CAMKMT: variants seen among roughly 807,000 people sequenced by gnomAD.
CAMKMT encodes the protein calmodulin-lysine N-methyltransferase.
A neutral mutation model predicts 48.0 loss-of-function variants in CAMKMT; 53 were observed. The ratio of observed to expected loss-of-function variants is 1.10; its 90% confidence interval spans 0.89 to 1.39. CAMKMT has a LOEUF of 1.39. CAMKMT is among the 40% of genes most tolerant of loss of function. The pLI is 0.00. For synonymous variants in CAMKMT, 165 were observed against 152.3 expected, an observed-to-expected ratio of 1.08 and a Z score of -0.61; for missense variants, 428 against 402.7, an observed-to-expected ratio of 1.06 and a Z score of -0.54.
chr2:44,403,826 A>G (rs1039972234), intron 3 of CAMKMT, among the ~76,000 whole-genome samples: 2 of 152,198 alleles, frequency 1.3e-5, no homozygotes, highest in Non-Finnish European at 2.9e-5. Context: ...TCAAATCTAC[A>G]CTAGAACAGC....
intron 2 of CAMKMT, among the ~76,000 whole-genome samples, chr2:44,378,037 C>T (rs553940068): frequency 1.3e-5 from 2 of 152,226 alleles, no homozygotes; most frequent in East Asian, 1.9e-4. Context: ...AAGACAAATA[C>T]GAATACTGCA....
At chr2:44,709,131 A>G (rs1039967246) in intron 6 of CAMKMT, among the ~76,000 whole-genome samples, 5 of 152,158 alleles carry the variant, frequency 3.3e-5, no homozygotes, top group South Asian at 2.1e-4. Flanking sequence ...CAGAGAGGAA[A>G]TCTCAGATTC....
In CAMKMT at chr2:44,706,436, A is replaced by G. The variant is rs1384723946; in HGVS notation, c.492+95A>G. ...ACTGCTGGGTCAGAGAACCGTCAAC[A>G]GCATCAGCTGCGGTCAAGCTGCCGG... is the stretch of plus-strand genomic sequence containing the variant. On this transcript the variant is annotated intron_variant, in intron 5 of 10. Transcript: ENST00000378494. The G allele has an allele frequency of 8.2e-6, 10 of 1,215,550 alleles. No homozygotes were observed. The Admixed American group carries it at 8.5e-5, about 10-fold the overall frequency. The allele number at this position is 1,215,550 out of a possible 1,614,324, so 75.3% of individuals were successfully genotyped here. A position where few individuals can be genotyped will look rare whatever the true frequency, so the allele number is the denominator to read the frequency against.
chr2:44,497,943 A>G (rs2104732547), intron 3 of CAMKMT, among the ~76,000 whole-genome samples: 1 of 152,176 alleles, frequency 6.6e-6, no homozygotes, highest in East Asian at 1.9e-4. Flanking sequence ...TAGGTTTGTA[A>G]ATTGGAATGT....
intron 7 of CAMKMT, among the ~76,000 whole-genome samples, chr2:44,717,916 T>C (rs1361634545): frequency 6.6e-6 from 1 of 151,836 alleles, no homozygotes; most frequent in Admixed American, 6.6e-5. Context: ...ACTCCGATGA[T>C]GTTCTCAGTA....
chr2:44,432,990 A>G (rs189776747), intron 3 of CAMKMT, among the ~76,000 whole-genome samples: 1 of 152,302 alleles, frequency 6.6e-6, no homozygotes, highest in African/African-American at 2.4e-5. Context: ...CTATAATAAA[A>G]CATGACATAG....
intron 8 of CAMKMT, among the ~76,000 whole-genome samples, chr2:44,751,596 C>T (rs550901337): frequency 1.3e-5 from 2 of 152,192 alleles, no homozygotes; most frequent in Non-Finnish European, 2.9e-5. Context: ...ACGTGTGTGT[C>T]TCTGCCATTT....
At chr2:44,473,013 T>C (rs1376499494) in intron 3 of CAMKMT, among the ~76,000 whole-genome samples, 1 of 152,184 alleles carries the variant, frequency 6.6e-6, no homozygotes, top group Non-Finnish European at 1.5e-5. Flanking sequence ...AGCAGCTGTC[T>C]TCCATTACAA....
intron 3 of CAMKMT, among the ~76,000 whole-genome samples, chr2:44,622,672 T>C (rs1672263647): frequency 6.6e-6 from 1 of 152,246 alleles, no homozygotes; most frequent in Admixed American, 6.5e-5. Context: ...AGGATATGAT[T>C]TATTTTTTAT....
chr2:44,465,450 TA>T (rs981218491), intron 3 of CAMKMT, among the ~76,000 whole-genome samples: 3 of 151,710 alleles, frequency 2.0e-5, no homozygotes, highest in Non-Finnish European at 4.4e-5. Context: ...ATACAAAAAT[TA>T]GCTGGGTGGT....
intron 3 of CAMKMT, among the ~76,000 whole-genome samples, chr2:44,479,083 C>T (rs2104675559): frequency 1.3e-5 from 2 of 152,320 alleles, no homozygotes; most frequent in South Asian, 4.1e-4. Context: ...TAATCCTCAA[C>T]AGTAAATATC....
intron 2 of CAMKMT, among the ~76,000 whole-genome samples, chr2:44,387,935 T>C (rs1226060949): frequency 3.3e-5 from 5 of 152,198 alleles, no homozygotes; most frequent in Admixed American, 2.6e-4. Flanking sequence ...ATAGGTTACC[T>C]GGTGCTTTTG....
intron 3 of CAMKMT, among the ~76,000 whole-genome samples, chr2:44,561,104 C>A (rs910452017): frequency 1.3e-5 from 2 of 152,146 alleles, no homozygotes; most frequent in African/African-American, 2.4e-5. Flanking sequence ...TTCCAAACAA[C>A]CTTCTTATAA....
At chr2:44,615,509 G>A (rs746352635) in intron 3 of CAMKMT, among the ~76,000 whole-genome samples, 8 of 152,190 alleles carry the variant, frequency 5.3e-5, no homozygotes, top group East Asian at 1.9e-4. Flanking sequence ...GAATGGAGAC[G>A]CAAGATAATT....
intron 3 of CAMKMT, among the ~76,000 whole-genome samples, chr2:44,595,824 G>C (rs746191337): frequency 2.0e-5 from 3 of 152,176 alleles, no homozygotes; most frequent in African/African-American, 7.2e-5. Flanking sequence ...ATGAATTCAT[G>C]TCCTTTGCAG....
chr2:44,603,366 C>T (rs984833125), intron 3 of CAMKMT, among the ~76,000 whole-genome samples: 1 of 152,208 alleles, frequency 6.6e-6, no homozygotes, highest in Non-Finnish European at 1.5e-5. Flanking sequence ...GCTGAGATTA[C>T]AGGCATGAGC....
chr2:44,638,516 G>A (rs1267575736), intron 3 of CAMKMT, among the ~76,000 whole-genome samples: 1 of 152,142 alleles, frequency 6.6e-6, no homozygotes, highest in Non-Finnish European at 1.5e-5. Context: ...GAGAACCCAA[G>A]GCAAAAACTG....
At chr2:44,733,588 CTT>C (rs1679197207) in intron 7 of CAMKMT, among the ~76,000 whole-genome samples, 2 of 152,112 alleles carry the variant, frequency 1.3e-5, no homozygotes, top group African/African-American at 4.8e-5. Context: ...CATAGATGAC[CTT>C]TTTCAGGCCA....
chr2:44,473,286 T>C (rs1449004770), intron 3 of CAMKMT, among the ~76,000 whole-genome samples: 1 of 152,214 alleles, frequency 6.6e-6, no homozygotes, highest in Admixed American at 6.5e-5. Flanking sequence ...TTTATAATAA[T>C]TGGAACCTCA....
Sources: allele counts gnomAD v4.1 joint callset (sites outside exome capture counted in the v4.1 genomes callset), GRCh38; gene constraint gnomAD v4.1.1; transcripts MANE v1.5; gene names NCBI Gene and HGNC (gene_info 2026-07-23, HGNC 2026-07-21).